Variants in TRIB1 observed in about 807,000 individuals in gnomAD.
TRIB1 encodes the protein tribbles pseudokinase 1, also known as tribbles homolog 1.
TRIB1 carries 12 observed loss-of-function variants against 27.8 expected under a neutral mutation model. That is an observed-to-expected ratio of 0.43 (90% CI 0.28 to 0.70). TRIB1 has a LOEUF of 0.70. Ranked by LOEUF, TRIB1 falls within the 30% of genes least tolerant of loss-of-function variation. The probability of loss-of-function intolerance (pLI) is 0.18; values close to 1 mark genes in which losing one functional copy is unlikely to be tolerated. For missense variants in TRIB1, 475 were observed against 515.8 expected, an observed-to-expected ratio of 0.92 and a Z score of 0.77; for synonymous variants, 230 against 224.9, an observed-to-expected ratio of 1.02 and a Z score of -0.20.
chr8:125,432,331 G>A, intron 1 of TRIB1: 8 of 616,996 alleles, frequency 1.3e-5, no homozygotes, highest in Non-Finnish European at 1.6e-5. Context: ...GCATGTATGT[G>A]TGTGTGGTGG....
In TRIB1 at chr8:125,430,677, G is replaced by C. The variant is rs1039451556; in HGVS notation, c.-226G>C. The stretch of plus-strand genomic sequence containing the variant: ...CTTGCCTGCGGGGGTCCGGGGACTC[G>C]AGCCGGCCTCCGCCTCCCGGACGCA... On this transcript the variant is annotated 5_prime_UTR_variant, in exon 1 of 3. Coordinates refer to ENST00000311922, the MANE Select transcript of TRIB1 (RefSeq NM_025195.4). 3 of 475,162 alleles carry C rather than the reference G, an allele frequency of 6.3e-6. No homozygotes were observed. Among genetic ancestry groups the C allele is most frequent in the South Asian group, 5.7e-5 (1 of 17,476 alleles). The allele number at this position is 475,162 out of a possible 1,614,324, so 29.4% of individuals were successfully genotyped here. A position where few individuals can be genotyped will look rare whatever the true frequency, so the allele number is the denominator to read the frequency against.
At chr8:125,435,209 AC>A (rs72647342) in intron 2 of TRIB1, among the ~76,000 whole-genome samples, 49 of 150,916 alleles carry the variant, frequency 3.2e-4, no homozygotes, top group African/African-American at 1.1e-3. Context: ...CTGAACAGAG[AC>A]CCCCCCTGTA....
chr8:125,436,059 A>G lies in TRIB1; in HGVS notation c.707A>G (p.Asp236Gly). The change falls in exon 3 of 3, where the codon GAT (aspartate) becomes GGT (glycine). Residue 236 changes from aspartate to glycine, a missense_variant. Asp to Gly is a moderately conservative substitution (Grantham distance 94). Transcript: ENST00000311922. The stretch of plus-strand genomic sequence containing the variant: ...GACACACACATAATGAAGGGGGAAG[A>G]TGATGCTTTGTCAGACAAACATGGC... The part of the protein sequence containing the change: ...LEDTHIMKGE[D>G]DALSDKHGCP... 6.2e-7 allele frequency: 1 copy of G among 1,614,184 alleles called. No individual in the cohort carries two copies. Among genetic ancestry groups the G allele is most frequent in the Non-Finnish European group, 8.5e-7 (1 of 1,180,034 alleles).
intron 2 of TRIB1, among the ~76,000 whole-genome samples, chr8:125,435,791 C>T (rs144784930): frequency 2.6e-5 from 4 of 152,340 alleles, no homozygotes; most frequent in Non-Finnish European, 5.9e-5. Flanking sequence ...CCACCCCAGG[C>T]GCTCTGCCGA....
Position 125,433,354 on chromosome 8 carries a change from C to T in TRIB1, c.398C>T (p.Pro133Leu). 1 of 1,614,164 alleles carries T rather than the reference C, an allele frequency of 6.2e-7. No homozygotes were observed. Among genetic ancestry groups the T allele is most frequent in the Non-Finnish European group, 8.5e-7 (1 of 1,180,016 alleles). The change falls in exon 2 of 3, where the codon CCT (proline) becomes CTT (leucine). Residue 133 changes from proline (P) to leucine (L), a missense_variant. Transcript: ENST00000311922. The surrounding 1 kb of genome is among the most constrained non-coding windows in gnomAD (Gnocchi z 4.4). ...AAACACTACCAGGACAAAATCAGGCCTTACATCCAGCTGCCATCGCACAGC... is the reference window on the plus strand; with the variant it reads ...AAACACTACCAGGACAAAATCAGGCTTTACATCCAGCTGCCATCGCACAGC... Reference protein sequence around the residue: ...PIKHYQDKIRPYIQLPSHSNI... With the variant: ...PIKHYQDKIRLYIQLPSHSNI...
rs144842276 is a variant in TRIB1, at chr8:125,432,185, C to T, written c.360+923C>T. ...CCTGACACTCCCAACACCCCGACCCCGTCCCGGGGCTCGCTGCTGCCACCT... is the reference window on the plus strand; with the variant it reads ...CCTGACACTCCCAACACCCCGACCCTGTCCCGGGGCTCGCTGCTGCCACCT... On this transcript the variant is annotated intron_variant, in intron 1 of 2. Transcript: ENST00000311922. The T allele has an allele frequency of 8.1e-5, 77 of 948,648 alleles. 1 individual carries two copies. In the East Asian group the frequency reaches 8.2e-3, roughly 101 times the overall value. The allele number at this position is 948,648 out of a possible 1,614,324, so 58.8% of individuals were successfully genotyped here. A position where few individuals can be genotyped will look rare whatever the true frequency, so the allele number is the denominator to read the frequency against.
Position 125,430,758 on chromosome 8 carries a change from C to T in TRIB1, c.-145C>T, listed in dbSNP as rs1351940016. 3 of 1,112,098 alleles carry T rather than the reference C, an allele frequency of 2.7e-6. No homozygotes were observed. The highest frequency in any genetic ancestry group is 3.5e-6 in the Non-Finnish European group (3 of 858,216). 68.9% of individuals were successfully genotyped at this position (1,112,098 alleles called of 1,614,324 possible). A position where few individuals can be genotyped will look rare whatever the true frequency, so the allele number is the denominator to read the frequency against. On this transcript the variant is annotated 5_prime_UTR_variant, in exon 1 of 3. Coordinates refer to ENST00000311922, the MANE Select transcript of TRIB1 (RefSeq NM_025195.4). Reference sequence around the variant, plus strand: ...GCGCCGGGGAGTGGCTCCTGCTTTGCCCCTCGTGGGGGCCGAGCCAAGACC... The same window carrying T: ...GCGCCGGGGAGTGGCTCCTGCTTTGTCCCTCGTGGGGGCCGAGCCAAGACC...
In TRIB1 at chr8:125,436,250, C is replaced by G. The variant is rs752285927; in HGVS notation, c.898C>G (p.Gln300Glu). 10 of 1,614,012 alleles carry G rather than the reference C, an allele frequency of 6.2e-6. No homozygotes were observed. Among genetic ancestry groups the G allele is most frequent in the Non-Finnish European group, 8.5e-6 (10 of 1,180,038 alleles). The change falls in exon 3 of 3, where the codon CAG becomes GAG. Residue 300 changes from glutamine (Q) to glutamate (E), a missense_variant. Transcript: ENST00000311922. ...SALFSKIRRG[Q>E]FCIPEHISPK... ...CCTTTTCTCCAAAATTCGGCGTGGA[C>G]AGTTCTGCATTCCTGAGCACATTTC...
In TRIB1 at chr8:125,431,178, C is replaced by T. The variant is rs1814649796; in HGVS notation, c.276C>T (p.Ala92=). Residue 92 remains alanine (A), a synonymous_variant, in exon 1 of 3, where the codon GCC becomes GCT. Transcript: ENST00000311922. The stretch of plus-strand genomic sequence containing the variant: ...GCGCGCCGGGGCCCAGCCGCATCGC[C>T]GACTACCTGCTGCTGCCCCTAGCCG... ...SGSAPGPSRI[A]DYLLLPLAER... 7 of 1,297,040 alleles carry T rather than the reference C, an allele frequency of 5.4e-6. No homozygotes were observed. The highest frequency in any genetic ancestry group is 3.1e-5 in the African/African-American group (2 of 64,730). The allele number at this position is 1,297,040 out of a possible 1,614,324, so 80.3% of individuals were successfully genotyped here.
chr8:125,433,839 T>C lies in TRIB1; in HGVS notation c.653+230T>C. 1 of 531,634 alleles carries C rather than the reference T, an allele frequency of 1.9e-6. No individual in the cohort carries two copies. The highest frequency in any genetic ancestry group is 3.4e-6 in the Non-Finnish European group (1 of 297,422). 32.9% of individuals were successfully genotyped at this position (531,634 alleles called of 1,614,324 possible). ...GGCGCTTCTATGGGATGGCAAGTGT[T>C]GACAGGGTGCTCTTCCTCTCCTACC... On this transcript the variant is annotated intron_variant, in intron 2 of 2. Transcript: ENST00000311922. The surrounding 1 kb of genome is among the most constrained non-coding windows in gnomAD (Gnocchi z 4.4).
chr8:125,435,196 T>C (rs1443387416), intron 2 of TRIB1, among the ~76,000 whole-genome samples: 1 of 150,176 alleles, frequency 6.7e-6, no homozygotes, highest in East Asian at 1.9e-4. Flanking sequence ...CTTTCGTTGT[T>C]ACCTGAACAG....
Position 125,436,411 on chromosome 8 carries a change from T to C in TRIB1, c.1059T>C (p.Thr353=). Residue 353 remains threonine (T), a synonymous_variant, in exon 3 of 3, where the codon ACT becomes ACC. Transcript: ENST00000311922. ...EPGYIDSEIG[T]SDQIVPEYQE... ...GGTACATCGACTCAGAAATAGGAAC[T>C]TCAGACCAGATTGTTCCAGAGTACC... is the stretch of plus-strand genomic sequence containing the variant. 3 of 1,613,856 alleles carry C rather than the reference T, an allele frequency of 1.9e-6. No homozygotes were observed. The highest frequency in any genetic ancestry group is 2.5e-6 in the Non-Finnish European group (3 of 1,179,992).
At position 125,433,823 on chromosome 8, in the gene TRIB1, A is replaced by G. The variant is rs558575724; in HGVS notation, c.653+214A>G. The G allele has an allele frequency of 1.6e-5, 9 of 557,336 alleles. No homozygotes were observed. Among genetic ancestry groups the G allele is most frequent in the African/African-American group, 9.3e-5 (5 of 53,532 alleles). The allele number at this position is 557,336 out of a possible 1,614,324, so 34.5% of individuals were successfully genotyped here. A position where few individuals can be genotyped will look rare whatever the true frequency, so the allele number is the denominator to read the frequency against. ...GGCCTGGGGACACCGTGGCGCTTCT[A>G]TGGGATGGCAAGTGTTGACAGGGTG... On this transcript the variant is annotated intron_variant, in intron 2 of 2. Coordinates refer to ENST00000311922, the MANE Select transcript of TRIB1 (RefSeq NM_025195.4). The surrounding 1 kb of genome is among the most constrained non-coding windows in gnomAD (Gnocchi z 4.4).
Position 125,433,475 on chromosome 8 carries a change from C to G in TRIB1, c.519C>G (p.Ser173Arg), listed in dbSNP as rs56285697. The G allele has an allele frequency of 2.5e-5, 40 of 1,614,122 alleles. 1 individual carries two copies. The highest frequency in any genetic ancestry group is 2.3e-5 in the Non-Finnish European group (27 of 1,180,050). Residue 173 changes from serine to arginine, a missense_variant, in exon 2 of 3, where the codon AGC becomes AGG. Physicochemically the swap from Ser to Arg is moderately radical, Grantham distance 110. Transcript: ENST00000311922. The surrounding 1 kb of genome is among the most constrained non-coding windows in gnomAD (Gnocchi z 4.4). The stretch of plus-strand genomic sequence containing the variant: ...GGGACATGCACTCCTATGTGCGAAG[C>G]CGGAAGAGGCTGCGGGAAGAGGAAG... ...DFGDMHSYVR[S>R]RKRLREEEAA...
rs925917850 is a variant in TRIB1, at chr8:125,437,605, G to A, written c.*1134G>A. Reference sequence around the variant, plus strand: ...CGTCTGTATAATCGGCTTCTGGAGTGAAACAGCAAACCCCAAATCTTCAAA... The same window carrying A: ...CGTCTGTATAATCGGCTTCTGGAGTAAAACAGCAAACCCCAAATCTTCAAA... On this transcript the variant is annotated 3_prime_UTR_variant, in exon 3 of 3. Coordinates refer to ENST00000311922, the MANE Select transcript of TRIB1 (RefSeq NM_025195.4). The A allele has an allele frequency of 6.6e-6, 1 of 152,340 alleles. No homozygotes were observed. The highest frequency in any genetic ancestry group is 1.5e-5 in the Non-Finnish European group (1 of 68,040). The allele number at this position is 152,340 out of a possible 1,614,324, so 9.4% of individuals were successfully genotyped here.
rs1814646646 is a variant in TRIB1 at position 125,431,084 on chromosome 8, GC to G, written c.189del (p.Gly64AlafsTer36). 22 of 1,393,230 alleles carry G rather than the reference GC, an allele frequency of 1.6e-5. No individual in the cohort carries two copies. Among genetic ancestry groups the G allele is most frequent in the South Asian group, 7.9e-5 (5 of 63,538 alleles). 86.3% of individuals were successfully genotyped at this position (1,393,230 alleles called of 1,614,324 possible). A position where few individuals can be genotyped will look rare whatever the true frequency, so the allele number is the denominator to read the frequency against. ...TGCTCCAGCCCCCCGGACTACCTCA[GC>G]CCCCCCGGCTCGCCCTGCAGCCCGC... ...SECSSPPDYLSPPGSPCSPQP... is the reference protein window; with the variant it reads ...SECSSPPDYLXPPGSPCSPQP... On this transcript the variant is annotated frameshift_variant, in exon 1 of 3. Coordinates refer to ENST00000311922, the MANE Select transcript of TRIB1 (RefSeq NM_025195.4). LOFTEE classifies it high-confidence loss of function.
intron 2 of TRIB1, among the ~76,000 whole-genome samples, chr8:125,435,580 A>G (rs1347449837): frequency 6.6e-6 from 1 of 152,120 alleles, no homozygotes; most frequent in Non-Finnish European, 1.5e-5. Flanking sequence ...AAGAGGGAAG[A>G]TGGGTTCGTA....
Position 125,433,536 on chromosome 8 carries a change from G to A in TRIB1, c.580G>A (p.Ala194Thr), listed in dbSNP as rs796974086. 7 of 1,613,842 alleles carry A rather than the reference G, an allele frequency of 4.3e-6. No homozygotes were observed. Among genetic ancestry groups the A allele is most frequent in the South Asian group, 2.2e-5 (2 of 91,076 alleles). Residue 194 changes from alanine to threonine, a missense_variant, in exon 2 of 3, where the codon GCC (alanine) becomes ACC (threonine). By Grantham distance (58) the Ala-to-Thr change is moderately conservative. Coordinates refer to ENST00000311922, the MANE Select transcript of TRIB1 (RefSeq NM_025195.4). This position sits in a 1 kb window ranked among gnomAD's most constrained non-coding sequence, Gnocchi z 4.4. ...CTTCAAGCAGATTGTCTCCGCCGTCGCCCACTGCCACCAGTCAGCCATCGT... is the reference window on the plus strand; with the variant it reads ...CTTCAAGCAGATTGTCTCCGCCGTCACCCACTGCCACCAGTCAGCCATCGT... ...RLFKQIVSAV[A>T]HCHQSAIVLG... is the part of the protein sequence containing the mutation.
chr8:125,430,845 G>C lies in TRIB1; in HGVS notation c.-58G>C. On this transcript the variant is annotated 5_prime_UTR_variant, in exon 1 of 3. Transcript: ENST00000311922. ...GCGGAGCCGGCACCAAACCCGCAGC[G>C]TCTTCCCGCGCGGATCCCGGGACTT... 7.3e-7 allele frequency: 1 copy of C among 1,361,382 alleles called. No individual in the cohort carries two copies. The highest frequency in any genetic ancestry group is 9.4e-7 in the Non-Finnish European group (1 of 1,063,336). The allele number at this position is 1,361,382 out of a possible 1,614,324, so 84.3% of individuals were successfully genotyped here.
Sources: gnomAD v4.1 joint callset for allele counts (sites outside exome capture counted in the v4.1 genomes callset) on GRCh38, gnomAD v4.1.1 for gene constraint, Gnocchi (gnomAD v3.1) non-coding constraint, MANE v1.5 for transcripts, NCBI Gene and HGNC (gene_info 2026-07-23, HGNC 2026-07-21) for gene names.